Variants in UNC13C observed in about 807,000 individuals in gnomAD.
UNC13C encodes the protein protein unc-13 homolog C.
Under a neutral mutation model 245.4 loss-of-function variants are expected in UNC13C, and 174 were observed. The ratio of observed to expected loss-of-function variants is 0.71; its 90% CI spans 0.63 to 0.80. The LOEUF (loss-of-function observed/expected upper bound fraction) is 0.80, where lower values mean the gene tolerates loss of function less well. Ranked by LOEUF, UNC13C falls within the 30% of genes least tolerant of loss-of-function variation. The pLI is 0.00. For synonymous variants in UNC13C, 992 were observed against 895.1 expected (o/e 1.11, Z -1.93); for missense variants, 2,829 against 2,602.9 (o/e 1.09, Z -1.89).
chr15:54,458,829 G>A (rs1891681966), intron 19 of UNC13C, among the ~76,000 whole-genome samples: 1 of 151,636 alleles, frequency 6.6e-6, no homozygotes, highest in Admixed American at 6.6e-5. Flanking sequence ...GCAGATACTT[G>A]ATTGGTGGGT....
chr15:54,141,504 A>G lies in UNC13C; in HGVS notation c.2984-1514A>G, dbSNP rs2032017508. Among the ~76,000 whole-genome samples the G allele has an allele frequency of 2.6e-5, 4 of 152,106 alleles. No homozygotes were observed. In the South Asian group the frequency reaches 8.3e-4, roughly 32 times the overall value. On this transcript the variant is annotated intron_variant, in intron 2 of 32. Coordinates refer to ENST00000260323, the MANE Select transcript of UNC13C (RefSeq NM_001080534.3). ...CTTTTTTAACATATTACACTTAAAG[A>G]AGACCCATTACAATCCCATTTTAAG...
At chr15:54,001,431 C>T (rs1595697006) in intron 1 of UNC13C, among the ~76,000 whole-genome samples, 1 of 152,144 alleles carries the variant, frequency 6.6e-6, no homozygotes, top group Non-Finnish European at 1.5e-5. Flanking sequence ...TCCTCACGAA[C>T]TTTCAAAATT....
chr15:54,072,790 T>G (rs1898392545), intron 2 of UNC13C, among the ~76,000 whole-genome samples: 1 of 152,208 alleles, frequency 6.6e-6, no homozygotes, highest in Non-Finnish European at 1.5e-5. Context: ...CTTGTAGGTA[T>G]AATTATATAA....
chr15:54,231,619 T>C (rs2035555488), intron 4 of UNC13C, among the ~76,000 whole-genome samples: 1 of 152,110 alleles, frequency 6.6e-6, no homozygotes, highest in Non-Finnish European at 1.5e-5. Context: ...TCTGTAAATG[T>C]TGGGTACAAA....
chr15:54,246,536 A>G (rs947069579), intron 7 of UNC13C, among the ~76,000 whole-genome samples: 5 of 152,246 alleles, frequency 3.3e-5, no homozygotes, highest in African/African-American at 4.8e-5. Flanking sequence ...TTTATTATTT[A>G]TATCAGTGCC....
At chr15:53,952,280 A>G in the UNC13C span, among the ~76,000 whole-genome samples, 66,902 of 151,962 alleles carry the variant, frequency 0.44, 14,849 homozygotes, top group East Asian at 0.62. Context: ...CTAAAATTAT[A>G]AAGTTACCTG....
chr15:54,376,983 A>G (rs571845131), intron 17 of UNC13C, among the ~76,000 whole-genome samples: 1 of 152,240 alleles, frequency 6.6e-6, no homozygotes, highest in African/African-American at 2.4e-5. Context: ...TAAGGGAGCC[A>G]GAAAAGGAGC....
chr15:53,909,855 A>G, the UNC13C span, among the ~76,000 whole-genome samples: 2 of 146,876 alleles, frequency 1.4e-5, no homozygotes, highest in African/African-American at 2.4e-5. Flanking sequence ...ATATTTTTTA[A>G]GAACACATTG....
rs759606873 is a variant in UNC13C, at chr15:54,236,532, T to C, written c.3156+97T>C. The stretch of plus-strand genomic sequence containing the variant: ...GTAAAAGAGGGCAAGAATGGAGAAA[T>C]GAAAAGACAGACATACAAGAATAAG... On this transcript the variant is annotated intron_variant, in intron 6 of 32. Transcript: ENST00000260323. The C allele has an allele frequency of 6.0e-5, 55 of 917,552 alleles. 1 individual carries two copies. Among genetic ancestry groups the C allele is most frequent in the Non-Finnish European group, 7.8e-5 (47 of 603,716 alleles). 56.8% of individuals were successfully genotyped at this position (917,552 alleles called of 1,614,324 possible).
intron 19 of UNC13C, among the ~76,000 whole-genome samples, chr15:54,447,326 G>A (rs924210901): frequency 2.0e-5 from 3 of 152,098 alleles, no homozygotes; most frequent in Admixed American, 2.0e-4. Flanking sequence ...TCTATTGATT[G>A]GAATAGTTTC....
At chr15:54,252,765 A>G (rs757951066) in intron 8 of UNC13C, among the ~76,000 whole-genome samples, 14 of 152,218 alleles carry the variant, frequency 9.2e-5, no homozygotes, top group Non-Finnish European at 1.8e-4. Flanking sequence ...GGTATAGCTA[A>G]TTCAGCCCCC....
chr15:54,278,340 T>A (rs986563916), intron 10 of UNC13C, among the ~76,000 whole-genome samples: 3 of 152,146 alleles, frequency 2.0e-5, no homozygotes, highest in African/African-American at 7.2e-5. Flanking sequence ...AGGTTAATAT[T>A]CTCATGTGAG....
intron 4 of UNC13C, among the ~76,000 whole-genome samples, chr15:54,175,158 C>T (rs969801026): frequency 6.6e-6 from 1 of 152,156 alleles, no homozygotes; most frequent in African/African-American, 2.4e-5. Flanking sequence ...CTCCCTGCAG[C>T]AGAAACTAAC....
At chr15:53,995,651 C>T (rs1022692605) in intron 1 of UNC13C, among the ~76,000 whole-genome samples, 2 of 152,002 alleles carry the variant, frequency 1.3e-5, no homozygotes, top group Admixed American at 1.3e-4. Flanking sequence ...ATGTGACCAC[C>T]CAGATAGAAG....
At chr15:54,134,274 T>TC (rs1456254780) in intron 2 of UNC13C, among the ~76,000 whole-genome samples, 1 of 151,232 alleles carries the variant, frequency 6.6e-6, no homozygotes, top group African/African-American at 2.4e-5. Context: ...TGAGTTCAGT[T>TC]TTTTTTTTTG....
At chr15:54,155,467 T>C (rs2032702992) in intron 4 of UNC13C, among the ~76,000 whole-genome samples, 1 of 152,150 alleles carries the variant, frequency 6.6e-6, no homozygotes, top group Admixed American at 6.6e-5. Context: ...GAGGAGCGAG[T>C]GACTGAGGCC....
At chr15:54,144,504 T>C (rs1159830611) in intron 4 of UNC13C, among the ~76,000 whole-genome samples, 1 of 152,142 alleles carries the variant, frequency 6.6e-6, no homozygotes, top group African/African-American at 2.4e-5. Flanking sequence ...ATTTTACAAA[T>C]GAAGAAACCA....
intron 19 of UNC13C, among the ~76,000 whole-genome samples, chr15:54,436,653 G>A (rs1356102983): frequency 6.6e-6 from 1 of 151,840 alleles, no homozygotes; most frequent in African/African-American, 2.4e-5. Flanking sequence ...TCACACACCA[G>A]GGCCTGTCGA....
chr15:54,410,951 T>A (rs1596338467), intron 18 of UNC13C, among the ~76,000 whole-genome samples: 1 of 152,226 alleles, frequency 6.6e-6, no homozygotes, highest in Non-Finnish European at 1.5e-5. Flanking sequence ...TCAAAAGCAA[T>A]GTGTCAGAGT....
Sources: allele counts gnomAD v4.1 joint callset (sites outside exome capture counted in the v4.1 genomes callset), GRCh38; gene constraint gnomAD v4.1.1; transcripts MANE v1.5; gene names NCBI Gene and HGNC (gene_info 2026-07-23, HGNC 2026-07-21).